Variants in NLGN1 observed in about 807,000 individuals in gnomAD.
The protein encoded by NLGN1 is neuroligin 1.
Under a neutral mutation model 65.5 loss-of-function variants are expected in NLGN1, and 12 were observed. The ratio of observed to expected loss-of-function variants is 0.18; its 90% CI spans 0.12 to 0.30. The LOEUF is 0.30. Ranked by LOEUF, NLGN1 falls within the 10% of genes least tolerant of loss-of-function variation. The pLI is 1.00. For missense variants in NLGN1, 750 were observed against 1,007.1 expected (o/e 0.74, Z 3.46); for synonymous variants, 350 against 359.5 (o/e 0.97, Z 0.30).
intron 4 of NLGN1, among the ~76,000 whole-genome samples, chr3:174,177,538 T>C (rs112716458): frequency 6.6e-6 from 1 of 152,004 alleles, no homozygotes; most frequent in Non-Finnish European, 1.5e-5. Flanking sequence ...AATAACTAAT[T>C]ATAAGTCAGT....
intron 2 of NLGN1, among the ~76,000 whole-genome samples, chr3:173,579,209 C>T (rs1319331728): frequency 1.3e-5 from 2 of 152,206 alleles, no homozygotes; most frequent in Admixed American, 1.3e-4. Context: ...TGGGTAGTCG[C>T]AGTGGCTATG....
chr3:174,137,742 A>G (rs1257562402), intron 4 of NLGN1, among the ~76,000 whole-genome samples: 1 of 152,144 alleles, frequency 6.6e-6, no homozygotes, highest in Non-Finnish European at 1.5e-5. Flanking sequence ...ATAGTTCTAT[A>G]TTATTTTATC....
chr3:174,079,445 G>A (rs1741692027), intron 4 of NLGN1, among the ~76,000 whole-genome samples: 1 of 152,170 alleles, frequency 6.6e-6, no homozygotes, highest in Non-Finnish European at 1.5e-5. Context: ...GTTGGTGGAA[G>A]TGTAAATTGG....
chr3:173,606,892 A>T (rs10936762), intron 3 of NLGN1, among the ~76,000 whole-genome samples: 39 of 151,764 alleles, frequency 2.6e-4, no homozygotes, highest in Non-Finnish European at 2.8e-4. Flanking sequence ...AAATAACTGC[A>T]GTAATTTACA....
chr3:173,615,540 G>T (rs1033396033), intron 3 of NLGN1, among the ~76,000 whole-genome samples: 2 of 152,052 alleles, frequency 1.3e-5, no homozygotes, highest in Non-Finnish European at 2.9e-5. Context: ...AGAAAGAAAA[G>T]GTAATGATGC....
At chr3:173,457,624 A>G (rs1362176292) in intron 2 of NLGN1, among the ~76,000 whole-genome samples, 1 of 152,152 alleles carries the variant, frequency 6.6e-6, no homozygotes, top group Non-Finnish European at 1.5e-5. Context: ...CCTGAAGGTT[A>G]AATTCTTATA....
chr3:173,966,781 G>T (rs1025724124), intron 4 of NLGN1, among the ~76,000 whole-genome samples: 1 of 152,138 alleles, frequency 6.6e-6, no homozygotes, highest in Non-Finnish European at 1.5e-5. Context: ...GTAGTTCATT[G>T]CACTCTTGGT....
At chr3:173,891,451 G>A (rs1416968524) in intron 4 of NLGN1, among the ~76,000 whole-genome samples, 1 of 152,148 alleles carries the variant, frequency 6.6e-6, no homozygotes, top group Non-Finnish European at 1.5e-5. Flanking sequence ...TTGGCAAGGT[G>A]CCATCCTAAA....
intron 3 of NLGN1, among the ~76,000 whole-genome samples, chr3:173,790,638 T>C (rs1712500443): frequency 6.6e-6 from 1 of 152,062 alleles, no homozygotes; most frequent in Non-Finnish European, 1.5e-5. Context: ...CTAAAATTCT[T>C]CTTTTTAAAG....
chr3:173,993,943 T>G (rs922958481), intron 4 of NLGN1, among the ~76,000 whole-genome samples: 1 of 151,982 alleles, frequency 6.6e-6, no homozygotes. Flanking sequence ...TGTGTGTATA[T>G]ATATAGTAAC....
At chr3:173,426,909 T>C (rs1716214651) in intron 1 of NLGN1, among the ~76,000 whole-genome samples, 1 of 152,052 alleles carries the variant, frequency 6.6e-6, no homozygotes, top group African/African-American at 2.4e-5. Context: ...CAGTATTATA[T>C]TTTCTTTAAA....
chr3:173,749,117 A>G (rs1578246506), intron 3 of NLGN1, among the ~76,000 whole-genome samples: 1 of 152,060 alleles, frequency 6.6e-6, no homozygotes, highest in African/African-American at 2.4e-5. Flanking sequence ...AGAACCCTAT[A>G]ATTTGATTAA....
At chr3:173,751,504 G>T (rs1408078543) in intron 3 of NLGN1, among the ~76,000 whole-genome samples, 1 of 151,982 alleles carries the variant, frequency 6.6e-6, no homozygotes, top group Non-Finnish European at 1.5e-5. Context: ...CTAAATATAA[G>T]TGTGGTGGAT....
At chr3:173,501,172 A>G (rs1433585662) in intron 2 of NLGN1, among the ~76,000 whole-genome samples, 1 of 152,100 alleles carries the variant, frequency 6.6e-6, no homozygotes, top group Non-Finnish European at 1.5e-5. Flanking sequence ...ACTTAGTGCC[A>G]TGGTGGTTTG....
At chr3:173,500,196 G>C (rs1219126657) in intron 2 of NLGN1, among the ~76,000 whole-genome samples, 2 of 152,078 alleles carry the variant, frequency 1.3e-5, no homozygotes, top group African/African-American at 2.4e-5. Context: ...GTTTGTCATA[G>C]ATAGCTCTTA....
intron 3 of NLGN1, among the ~76,000 whole-genome samples, chr3:173,790,350 TTAGA>T (rs1437370909): frequency 6.6e-6 from 1 of 152,128 alleles, no homozygotes; most frequent in Non-Finnish European, 1.5e-5. Flanking sequence ...TTCCCATTTA[TTAGA>T]TAGAGGATAT....
At chr3:174,190,675 G>A (rs1285616281) in intron 4 of NLGN1, among the ~76,000 whole-genome samples, 1 of 151,918 alleles carries the variant, frequency 6.6e-6, no homozygotes, top group East Asian at 1.9e-4. Context: ...ACATTTAAGA[G>A]GGAAAGTTCT....
intron 4 of NLGN1, among the ~76,000 whole-genome samples, chr3:174,268,960 G>C (rs1025586668): frequency 4.6e-5 from 7 of 151,264 alleles, no homozygotes; most frequent in African/African-American, 1.7e-4. Context: ...TTCAGAGCCA[G>C]GTTTTTTTTT....
rs201309360 is a variant in NLGN1, at chr3:174,080,873, TAAC to T, written c.647-194438_647-194436del. On this transcript the variant is annotated intron_variant, in intron 4 of 6. Coordinates refer to ENST00000457714, the Ensembl canonical transcript of NLGN1. ...CCAATTATTATTTTAGAGAGACAGT[TAAC>T]AACTGCCTAACCATCATTTGAATTT... is the stretch of plus-strand genomic sequence containing the variant. Among the ~76,000 whole-genome samples the T allele has an allele frequency of 5.9e-3, 900 of 151,722 alleles. 11 individuals are homozygous for T. Among genetic ancestry groups the T allele is most frequent in the African/African-American group, 0.021 (846 of 41,242 alleles).
Sources: allele counts gnomAD v4.1 joint callset (sites outside exome capture counted in the v4.1 genomes callset), GRCh38; gene constraint gnomAD v4.1.1; transcripts MANE v1.5; gene names NCBI Gene and HGNC (gene_info 2026-07-23, HGNC 2026-07-21).